CACNB4: variants seen among roughly 807,000 people sequenced by gnomAD.
The protein encoded by CACNB4 is calcium voltage-gated channel auxiliary subunit beta 4.
In CACNB4, 32 loss-of-function variants were observed where a neutral mutation model predicts 71.2. That is an observed-to-expected ratio of 0.45 (90% CI 0.34 to 0.60). The LOEUF is 0.60. Among genes scored for constraint, CACNB4 ranks in the 20% least tolerant of loss-of-function variants. The pLI, the probability that CACNB4 is intolerant of heterozygous loss-of-function variation, is 0.01. For missense variants in CACNB4, 464 were observed against 647.9 expected, an observed-to-expected ratio of 0.72 and a Z score of 3.08; for synonymous variants, 231 against 236.9, an observed-to-expected ratio of 0.97 and a Z score of 0.23.
chr2:151,905,503 A>C (rs1449971631), intron 2 of CACNB4, among the ~76,000 whole-genome samples: 4 of 152,232 alleles, frequency 2.6e-5, no homozygotes, highest in Non-Finnish European at 5.9e-5. Flanking sequence ...GAGTAGAAAG[A>C]AGCTTTGCTC....
At chr2:152,041,397 C>A (rs1432665206) in intron 2 of CACNB4, among the ~76,000 whole-genome samples, 2 of 152,178 alleles carry the variant, frequency 1.3e-5, no homozygotes, top group Non-Finnish European at 2.9e-5. Flanking sequence ...AGGTAAAGGG[C>A]AATCTGTAAT....
chr2:151,873,094 A>G (rs2099845051), intron 5 of CACNB4: 2 of 152,202 alleles, frequency 1.3e-5, no homozygotes, highest in African/African-American at 4.8e-5. Flanking sequence ...AAGAAATAAT[A>G]ATAACAATAA....
intron 12 of CACNB4, among the ~76,000 whole-genome samples, chr2:151,849,393 G>T (rs2099838451): frequency 6.6e-6 from 1 of 152,100 alleles, no homozygotes; most frequent in Non-Finnish European, 1.5e-5. Context: ...AAGGAGCTAG[G>T]ACTATGCCCA....
In CACNB4 at chr2:151,967,684, T is replaced by TC. The variant is rs397796273; in HGVS notation, c.148-84315dup. 7 of 151,860 alleles carry TC rather than the reference T, an allele frequency of 4.6e-5. No individual in the cohort carries two copies. The East Asian group carries it at 7.7e-4, about 17-fold the overall frequency. 9.4% of individuals were successfully genotyped at this position (151,860 alleles called of 1,614,324 possible). A position where few individuals can be genotyped will look rare whatever the true frequency, so the allele number is the denominator to read the frequency against. ...ATAAGAGAACTGTTGTTTTTTTTTT[T>TC]CCACAAACTACACAGACAAGCTCCT... On this transcript the variant is annotated intron_variant, in intron 2 of 13. Coordinates refer to ENST00000539935, the MANE Select transcript of CACNB4 (RefSeq NM_000726.5).
chr2:151,909,510 A>G (rs2099855661), intron 2 of CACNB4, among the ~76,000 whole-genome samples: 1 of 151,546 alleles, frequency 6.6e-6, no homozygotes, highest in African/African-American at 2.4e-5. Context: ...TTACACAGGT[A>G]TATGTGTGCC....
intron 13 of CACNB4, among the ~76,000 whole-genome samples, chr2:151,839,937 T>C (rs552219616): frequency 6.6e-6 from 1 of 152,206 alleles, no homozygotes; most frequent in African/African-American, 2.4e-5. Context: ...CAAGGGTGTA[T>C]ACAATAATTA....
chr2:152,072,187 T>C (rs1686731818), intron 2 of CACNB4, among the ~76,000 whole-genome samples: 1 of 152,224 alleles, frequency 6.6e-6, no homozygotes, highest in Non-Finnish European at 1.5e-5. Context: ...AGCAGTTAGT[T>C]CAAGATTCCA....
intron 2 of CACNB4, among the ~76,000 whole-genome samples, chr2:152,087,458 C>T (rs534471010): frequency 5.3e-4 from 79 of 149,386 alleles, no homozygotes; most frequent in African/African-American, 1.8e-3. Context: ...AAGAATTTTG[C>T]CAAAAAAACA....
At chr2:152,012,751 T>C (rs1343572462) in intron 2 of CACNB4, among the ~76,000 whole-genome samples, 4 of 152,186 alleles carry the variant, frequency 2.6e-5, no homozygotes, top group African/African-American at 9.7e-5. Context: ...AGTTAAAGTT[T>C]ATAAAGTAAA....
intron 2 of CACNB4, among the ~76,000 whole-genome samples, chr2:151,932,411 A>T (rs1374235416): frequency 1.3e-5 from 2 of 152,146 alleles, no homozygotes; most frequent in Non-Finnish European, 1.5e-5. Flanking sequence ...CACAAGAGGG[A>T]AGGAGCTTCA....
chr2:151,957,257 C>CGTGTGTGT (rs1553791572), intron 2 of CACNB4, among the ~76,000 whole-genome samples: 1,455 of 131,838 alleles, frequency 0.011, 37 homozygotes, highest in East Asian at 0.041. Context: ...AGTGGCTGGG[C>CGTGTGTGT]GTGTGTGTGT....
chr2:152,072,511 C>T (rs1340576530), intron 2 of CACNB4, among the ~76,000 whole-genome samples: 2 of 152,206 alleles, frequency 1.3e-5, no homozygotes, highest in Non-Finnish European at 2.9e-5. Flanking sequence ...AAGATAATAT[C>T]GTAAGTCAAA....
intron 2 of CACNB4, among the ~76,000 whole-genome samples, chr2:151,918,166 C>G (rs1332044836): frequency 1.3e-5 from 2 of 152,132 alleles, no homozygotes; most frequent in African/African-American, 2.4e-5. Context: ...AAGGCATTGC[C>G]CATGCTTTCA....
At chr2:151,920,451 T>C (rs2099858721) in intron 2 of CACNB4, among the ~76,000 whole-genome samples, 1 of 151,506 alleles carries the variant, frequency 6.6e-6, no homozygotes, top group South Asian at 2.1e-4. Context: ...GCCTCTTGAG[T>C]AGCTGGGACT....
intron 2 of CACNB4, among the ~76,000 whole-genome samples, chr2:151,984,349 A>G (rs1681213052): frequency 6.6e-6 from 1 of 152,206 alleles, no homozygotes; most frequent in Non-Finnish European, 1.5e-5. Flanking sequence ...TACCTAACTT[A>G]ATGAGAAATT....
chr2:152,050,425 T>C (rs1685362025), intron 2 of CACNB4, among the ~76,000 whole-genome samples: 1 of 152,168 alleles, frequency 6.6e-6, no homozygotes, highest in Non-Finnish European at 1.5e-5. Flanking sequence ...CTCTAATCAG[T>C]TGCAATCAAA....
At position 151,994,095 on chromosome 2, in the gene CACNB4, C is replaced by T. The variant is rs371928622; in HGVS notation, c.147+104235G>A. On this transcript the variant is annotated intron_variant, in intron 2 of 13. Transcript: ENST00000539935. ...GCTGAGGTAGGAGAATTGCTTTAGC[C>T]CAGGAGTTTGAGGCTGCAGTGAGCT... 7.2e-5 allele frequency among the ~76,000 whole-genome samples: 11 copies of T among 151,836 alleles called. 1 individual carries two copies. Among genetic ancestry groups the T allele is most frequent in the African/African-American group, 2.7e-4 (11 of 41,440 alleles).
Position 151,876,431 on chromosome 2 carries a change from G to A in CACNB4, c.516C>T (p.His172=), listed in dbSNP as rs761996345. ...IQQEQKRGRF[H]GGKSSGNSSS... ...TAGAAAAGATGGGAACGTACCCTCC[G>A]TGAAAACGTCCTCTTTTTTGTTCTT... Residue 172 remains histidine, a synonymous_variant, in exon 5 of 14, where the codon CAC becomes CAT. Transcript: ENST00000539935. 2.8e-5 allele frequency: 44 copies of A among 1,593,106 alleles called. No individual in the cohort carries two copies. In the South Asian group the frequency reaches 4.5e-4, roughly 16 times the overall value.
chr2:151,882,131 G>GGCCTCCCAAAGT (rs373667357), intron 3 of CACNB4, among the ~76,000 whole-genome samples: 67,803 of 146,970 alleles, frequency 0.46, 19,628 homozygotes, highest in Non-Finnish European at 0.64. Context: ...TGCCCGCCTC[G>GGCCTCCCAAAGT]GCCTCCCAAA....
Sources: gnomAD v4.1 joint callset for allele counts (sites outside exome capture counted in the v4.1 genomes callset) on GRCh38, gnomAD v4.1.1 for gene constraint, MANE v1.5 for transcripts, NCBI Gene and HGNC (gene_info 2026-07-23, HGNC 2026-07-21) for gene names.